Variants in MACF1 observed in about 807,000 individuals in gnomAD.
MACF1 encodes microtubule-actin cross-linking factor 1.
In MACF1, 193 loss-of-function variants were observed where a neutral mutation model predicts 854.8. The observed-to-expected ratio is 0.23, with a 90% CI of 0.20 to 0.25. MACF1 has a LOEUF of 0.25. Ranked by LOEUF, MACF1 falls within the 10% of genes least tolerant of loss-of-function variation. MACF1 has a pLI of 1.00. For missense variants in MACF1, 7,722 were observed against 8,929.1 expected, an observed-to-expected ratio of 0.86 and a Z score of 5.45; for synonymous variants, 3,185 against 3,226.7, an observed-to-expected ratio of 0.99 and a Z score of 0.44.
In MACF1 at chr1:39,439,438, C is replaced by G. The variant is rs367680576; in HGVS notation, c.18385C>G (p.His6129Asp). The G allele has an allele frequency of 3.7e-6, 6 of 1,614,026 alleles. No homozygotes were observed. The African/African-American group carries it at 4.0e-5, about 11-fold the overall frequency. Residue 6129 changes from histidine to aspartate, a missense_variant, in exon 72 of 101, where the codon CAT becomes GAT. Physicochemically the swap from His to Asp is moderately conservative, Grantham distance 81. Around this residue, in one of 15 missense-constraint regions of MACF1, gnomAD observed 2,807 missense variants for 3,235.8 expected, o/e 0.87. Transcript: ENST00000564288. ...CATCAAAGACACCCAGGATATTGTC[C>G]ATGACTTGGAAAGCCCAGGCATTGA... ...TTIKDTQDIV[H>D]DLESPGIDPS...
At position 39,423,020 on chromosome 1, in the gene MACF1, C is replaced by A. The variant is rs779379423; in HGVS notation, c.16149+120C>A. 3.5e-4 allele frequency: 290 copies of A among 837,088 alleles called. 1 individual carries two copies. The Middle Eastern group carries it at 3.5e-3, about 10-fold the overall frequency. 51.9% of individuals were successfully genotyped at this position (837,088 alleles called of 1,614,324 possible). On this transcript the variant is annotated intron_variant, in intron 60 of 100. Transcript: ENST00000564288. ...AGTAGAATCCTAAACTACTTTGTGT[C>A]GTCCTGAAAAGAAAGGTGGAAATTG...
At chr1:39,206,640 G>A (rs1644453759) in intron 1 of MACF1, 1 of 151,934 alleles carries the variant, frequency 6.6e-6, no homozygotes, top group South Asian at 2.1e-4. Flanking sequence ...TTATTTCTAT[G>A]AAACAACTTT....
chr1:39,175,700 C>T (rs1411533588), intron 2 of MACF1, among the ~76,000 whole-genome samples: 2 of 152,124 alleles, frequency 1.3e-5, no homozygotes, highest in African/African-American at 4.8e-5. Flanking sequence ...CACCTATAAT[C>T]CCAGCACTTT....
intron 2 of MACF1, among the ~76,000 whole-genome samples, chr1:39,097,198 C>T (rs1641959773): frequency 6.6e-6 from 1 of 151,954 alleles, no homozygotes; most frequent in African/African-American, 2.4e-5. Flanking sequence ...GATTCTAACA[C>T]CCAGATGTTC....
Position 39,291,940 on chromosome 1 carries a change from G to T in MACF1, c.1816G>T (p.Asp606Tyr). 1 of 1,613,908 alleles carries T rather than the reference G, an allele frequency of 6.2e-7. No homozygotes were observed. The highest frequency in any genetic ancestry group is 1.1e-5 in the South Asian group (1 of 91,046). The stretch of plus-strand genomic sequence containing the variant: ...ACTGGAGCGAGCAGAGTGGGGCAAT[G>T]ACCTGCCTAGTGTGGAGTTGCAGCT... ...MKLERAEWGN[D>Y]LPSVELQLET... Residue 606 changes from aspartate (D) to tyrosine (Y), a missense_variant, in exon 16 of 101, where the codon GAC becomes TAC. Coordinates refer to ENST00000564288, the MANE Select transcript of MACF1 (RefSeq NM_001394062.1).
At chr1:39,125,865 C>G (rs72922986) in intron 2 of MACF1, among the ~76,000 whole-genome samples, 2 of 152,116 alleles carry the variant, frequency 1.3e-5, no homozygotes, top group South Asian at 4.1e-4. Flanking sequence ...TGGTGGCATG[C>G]GCCTGTAATC....
At chr1:39,436,128 C>T (rs544710440) in intron 70 of MACF1, 1 of 400,502 alleles carries the variant, frequency 2.5e-6, no homozygotes, top group African/African-American at 2.1e-5. Flanking sequence ...TTTAGAGCAA[C>T]AGCACATTAG....
chr1:39,307,922 T>TTTTTTTTTTA (rs59109449), intron 23 of MACF1, among the ~76,000 whole-genome samples: 1 of 90,442 alleles, frequency 1.1e-5, no homozygotes, highest in Non-Finnish European at 2.4e-5. Context: ...TTTTTTTTTT[T>TTTTTTTTTTA]GAGATGGAGT....
At chr1:39,244,332 A>AGT (rs1193816695) in intron 2 of MACF1, among the ~76,000 whole-genome samples, 1 of 151,956 alleles carries the variant, frequency 6.6e-6, no homozygotes, top group East Asian at 1.9e-4. Flanking sequence ...CCCAGGTTGG[A>AGT]GTGCAGTGTC....
In MACF1 at chr1:39,455,092, C is replaced by T. The variant is rs772055805; in HGVS notation, c.21070C>T (p.His7024Tyr). ...IDRVKALIAE[H>Y]QTFMEEMTRK... ...CCGAGTTAAAGCCCTTATCGCTGAG[C>T]ATCAGGTATCTTAACCTCACTGTGT... The change falls in exon 89 of 101, where the codon CAT (histidine) becomes TAT (tyrosine). Residue 7024 changes from histidine to tyrosine, a missense_variant. Physicochemically the swap from His to Tyr is moderately conservative, Grantham distance 83. Coordinates refer to ENST00000564288, the MANE Select transcript of MACF1 (RefSeq NM_001394062.1). 1.9e-6 allele frequency: 3 copies of T among 1,613,642 alleles called. No homozygotes were observed. The highest frequency in any genetic ancestry group is 2.2e-5 in the South Asian group (2 of 91,000).
chr1:39,345,423 A>G (rs200365485), intron 40 of MACF1, among the ~76,000 whole-genome samples: 1 of 152,010 alleles, frequency 6.6e-6, no homozygotes, highest in East Asian at 1.9e-4. Flanking sequence ...CAGCCTGGGC[A>G]ATGTGGTGAG....
chr1:39,120,187 A>G (rs1180972742), intron 2 of MACF1, among the ~76,000 whole-genome samples: 1 of 152,060 alleles, frequency 6.6e-6, no homozygotes, highest in East Asian at 1.9e-4. Flanking sequence ...CCTGGCCAAT[A>G]AAGCCTCTTT....
intron 58 of MACF1, among the ~76,000 whole-genome samples, chr1:39,401,268 A>G (rs960534980): frequency 2.0e-5 from 3 of 152,336 alleles, no homozygotes; most frequent in Admixed American, 2.0e-4. Flanking sequence ...AGACATTACC[A>G]GCTCAGTGAC....
chr1:39,158,070 G>T (rs1643726619), intron 2 of MACF1, among the ~76,000 whole-genome samples: 1 of 152,128 alleles, frequency 6.6e-6, no homozygotes, highest in African/African-American at 2.4e-5. Context: ...TCCCCCTTTA[G>T]TTATAATATG....
chr1:39,387,181 T>C lies in MACF1; in HGVS notation c.14345-6T>C. 2.5e-6 allele frequency: 4 copies of C among 1,608,784 alleles called. No homozygotes were observed. The highest frequency in any genetic ancestry group is 3.4e-6 in the Non-Finnish European group (4 of 1,177,472). On this transcript the variant is annotated splice_polypyrimidine_tract_variant and splice_region_variant and intron_variant, in intron 57 of 100. Coordinates refer to ENST00000564288, the MANE Select transcript of MACF1 (RefSeq NM_001394062.1). Reference sequence around the variant, plus strand: ...TATTGATTTCAATTTTATTTTCTCATTTCAGCCGATCGCATTAACAGACTC... The same window carrying C: ...TATTGATTTCAATTTTATTTTCTCACTTCAGCCGATCGCATTAACAGACTC...
intron 40 of MACF1, among the ~76,000 whole-genome samples, chr1:39,346,231 G>A (rs774464348): frequency 1.3e-5 from 2 of 151,836 alleles, no homozygotes; most frequent in Non-Finnish European, 2.9e-5. Context: ...GCATGGTGGC[G>A]GGCGCCTGTA....
At chr1:39,269,251 C>A in intron 6 of MACF1, 1 of 1,289,870 alleles carries the variant, frequency 7.8e-7, no homozygotes, top group Non-Finnish European at 1.0e-6. Flanking sequence ...CAAGGAGAGA[C>A]TGCAGTGGAG....
chr1:39,447,646 C>T (rs767771121), intron 81 of MACF1, 46 bp from the exon 82 acceptor site: 14 of 1,612,652 alleles, frequency 8.7e-6, no homozygotes, highest in Non-Finnish European at 1.2e-5. Context: ...AAGAAATGCC[C>T]CTTTATCTTA....
chr1:39,345,015 A>G (rs1049836531), intron 40 of MACF1, among the ~76,000 whole-genome samples: 1 of 152,146 alleles, frequency 6.6e-6, no homozygotes, highest in Non-Finnish European at 1.5e-5. Flanking sequence ...CCCTGCTCAT[A>G]TCTGCCTAAC....
Sources: allele counts gnomAD v4.1 joint callset (sites outside exome capture counted in the v4.1 genomes callset), GRCh38; gene constraint gnomAD v4.1.1; regional missense constraint gnomAD v4.1.1; transcripts MANE v1.5; gene names NCBI Gene and HGNC (gene_info 2026-07-23, HGNC 2026-07-21).